Variants in TMOD3 observed in about 807,000 individuals in gnomAD.
The protein encoded by TMOD3 is tropomodulin-3.
TMOD3 carries 20 observed loss-of-function variants against 39.2 expected under a neutral mutation model. The ratio of observed to expected loss-of-function variants is 0.51; its 90% CI spans 0.36 to 0.74. The LOEUF (loss-of-function observed/expected upper bound fraction) is 0.74. TMOD3 is among the 30% of genes least tolerant of loss of function. TMOD3 has a pLI of 0.00. For missense variants in TMOD3, 381 were observed against 412.8 expected (o/e 0.92, Z 0.67); for synonymous variants, 143 against 145.8 (o/e 0.98, Z 0.14).
At chr15:51,832,161 G>A (rs1009796583) in intron 1 of TMOD3, among the ~76,000 whole-genome samples, 8 of 139,466 alleles carry the variant, frequency 5.7e-5, no homozygotes, top group African/African-American at 1.3e-4. Context: ...TCCAGCCTGC[G>A]TGACAGAGTA....
chr15:51,873,789 T>C (rs1566860186), intron 3 of TMOD3, among the ~76,000 whole-genome samples: 2 of 151,998 alleles, frequency 1.3e-5, no homozygotes. Context: ...ACCTGGCTAA[T>C]TTTTGTATTT....
chr15:51,843,956 T>C (rs1399575025), intron 1 of TMOD3, among the ~76,000 whole-genome samples: 1 of 152,140 alleles, frequency 6.6e-6, no homozygotes, highest in East Asian at 1.9e-4. Context: ...ATGGTTCTTA[T>C]TTTGTTTTTT....
At position 51,838,996 on chromosome 15, in the gene TMOD3, A is replaced by G. The variant is rs77697483; in HGVS notation, c.-75+9160A>G. Among the ~76,000 whole-genome samples the G allele has an allele frequency of 1.7e-3, 256 of 152,218 alleles. 3 individuals carry two copies. In the East Asian group the frequency reaches 0.044, roughly 26 times the overall value. On this transcript the variant is annotated intron_variant, in intron 1 of 9. Coordinates refer to ENST00000308580, the MANE Select transcript of TMOD3 (RefSeq NM_014547.5). Reference sequence around the variant, plus strand: ...TGTTATGTTGTTTCTTTGGCTGTATATTTCACAGGGACTGGAATAAGGGGT... The same window carrying G: ...TGTTATGTTGTTTCTTTGGCTGTATGTTTCACAGGGACTGGAATAAGGGGT...
chr15:51,897,937 T>C (rs1305245438), intron 7 of TMOD3, among the ~76,000 whole-genome samples: 5 of 152,162 alleles, frequency 3.3e-5, no homozygotes. Flanking sequence ...CCACCATCTT[T>C]TCCCACCTGG....
chr15:51,869,066 T>G, intron 2 of TMOD3, 151 bp from the exon 3 acceptor site: 1 of 721,934 alleles, frequency 1.4e-6, no homozygotes, highest in Non-Finnish European at 2.2e-6. Context: ...TTTGGAGCAA[T>G]TGTACATTGC....
At position 51,896,472 on chromosome 15, in the gene TMOD3, A is replaced by T; in HGVS notation, c.681A>T (p.Thr227=). ...KDFAKALETN[T]HVKCFSLAAT... is the part of the protein sequence containing the mutation. ...TTGCAAAGGCTTTGGAAACCAACAC[A>T]CATGTGAAATGTTTCAGTCTTGCAG... Residue 227 remains threonine (T), a synonymous_variant, in exon 7 of 10, where the codon ACA becomes ACT. Transcript: ENST00000308580. 6.2e-7 allele frequency: 1 copy of T among 1,613,836 alleles called. No homozygotes were observed. Among genetic ancestry groups the T allele is most frequent in the East Asian group, 2.2e-5 (1 of 44,880 alleles).
At chr15:51,830,199 A>C (rs898017567) in intron 1 of TMOD3, among the ~76,000 whole-genome samples, 2 of 152,072 alleles carry the variant, frequency 1.3e-5, no homozygotes, top group Non-Finnish European at 2.9e-5. Flanking sequence ...ACGCGATCAC[A>C]CCGAGATGGC....
chr15:51,869,451 AT>A, intron 3 of TMOD3, 78 bp downstream of exon 3: 1 of 1,384,488 alleles, frequency 7.2e-7, no homozygotes, highest in Non-Finnish European at 1.0e-6. Context: ...AGAAAATCAT[AT>A]TTTTAGAGGT....
chr15:51,867,923 A>G lies in TMOD3; in HGVS notation c.127-1294A>G, dbSNP rs1471814113. On this transcript the variant is annotated intron_variant, in intron 2 of 9. Transcript: ENST00000308580. ...CATCACCTTCCACTGCACCTCCCTC[A>G]TCTCTAAGTCAGTCCATGCGCTCAA... Among the ~76,000 whole-genome samples the G allele has an allele frequency of 3.3e-5, 5 of 152,162 alleles. 1 individual carries two copies. The highest frequency in any genetic ancestry group is 3.3e-4 in the Admixed American group (5 of 15,274).
chr15:51,870,558 G>A (rs2056470006), intron 3 of TMOD3, among the ~76,000 whole-genome samples: 1 of 152,118 alleles, frequency 6.6e-6, no homozygotes, highest in South Asian at 2.1e-4. Flanking sequence ...CTACCCCTTA[G>A]CTGCAAGGGA....
chr15:51,902,595 C>G (rs906976517), intron 9 of TMOD3, among the ~76,000 whole-genome samples: 2 of 149,190 alleles, frequency 1.3e-5, no homozygotes, highest in African/African-American at 4.9e-5. Context: ...CTCAGCCTCC[C>G]GAGTAGCTGG....
At chr15:51,860,231 G>T in intron 1 of TMOD3, 1 of 499,372 alleles carries the variant, frequency 2.0e-6, no homozygotes, top group South Asian at 1.5e-5. Flanking sequence ...GTAGACCTTT[G>T]GCAAAGTCAA....
intron 9 of TMOD3, among the ~76,000 whole-genome samples, chr15:51,902,303 C>T (rs2056654926): frequency 6.6e-6 from 1 of 152,210 alleles, no homozygotes; most frequent in Non-Finnish European, 1.5e-5. Context: ...AATTTGTTCT[C>T]AGTTACAGAT....
At chr15:51,842,592 G>A (rs912031396) in intron 1 of TMOD3, among the ~76,000 whole-genome samples, 2 of 152,102 alleles carry the variant, frequency 1.3e-5, no homozygotes, top group Admixed American at 1.3e-4. Flanking sequence ...ACTTCATTAG[G>A]CATGAGGTTT....
At chr15:51,893,461 T>C (rs1214285036) in intron 5 of TMOD3, among the ~76,000 whole-genome samples, 14 of 151,836 alleles carry the variant, frequency 9.2e-5, no homozygotes, top group Non-Finnish European at 1.5e-5. Flanking sequence ...ATTATCTGCA[T>C]GCACTGTAAT....
At position 51,905,945 on chromosome 15, in the gene TMOD3, C is replaced by T. The variant is rs529587016; in HGVS notation, c.1025-2831C>T. On this transcript the variant is annotated intron_variant, in intron 9 of 9. Coordinates refer to ENST00000308580, the MANE Select transcript of TMOD3 (RefSeq NM_014547.5). The stretch of plus-strand genomic sequence containing the variant: ...CGGCCTGGGCAACAGAGCGAGACTC[C>T]GTCTCAAAAAAAAAAAAAAAAAAAA... Among the ~76,000 whole-genome samples, 14 of 82,130 alleles carry T rather than the reference C, an allele frequency of 1.7e-4. No homozygotes were observed. In the South Asian group the frequency reaches 3.5e-3, roughly 21 times the overall value. 53.9% of individuals were successfully genotyped at this position (82,130 alleles called of 152,430 possible).
rs1254658513 is a variant in TMOD3, at chr15:51,868,002, CA to C, written c.127-1214del. On this transcript the variant is annotated intron_variant, in intron 2 of 9. Coordinates refer to ENST00000308580, the MANE Select transcript of TMOD3 (RefSeq NM_014547.5). ...AACATAGCTCTTGCTGTGAGTATGT[CA>C]GGGGTCCCTTGGGGCATGTGAAACA... 3.9e-5 allele frequency among the ~76,000 whole-genome samples: 6 copies of C among 152,172 alleles called. 1 individual carries two copies. The highest frequency in any genetic ancestry group is 3.9e-4 in the Admixed American group (6 of 15,276).
chr15:51,863,508 A>T (rs2056429674), intron 2 of TMOD3, among the ~76,000 whole-genome samples: 1 of 152,238 alleles, frequency 6.6e-6, no homozygotes, highest in Admixed American at 6.5e-5. Flanking sequence ...GCAATACAGC[A>T]GTCCACTGTG....
intron 1 of TMOD3, among the ~76,000 whole-genome samples, chr15:51,837,762 A>G (rs2056293733): frequency 1.3e-5 from 2 of 152,106 alleles, no homozygotes; most frequent in Non-Finnish European, 2.9e-5. Context: ...TTGTCAAGTC[A>G]TCTCACTTCC....
Sources: gnomAD v4.1 joint callset for allele counts (sites outside exome capture counted in the v4.1 genomes callset) on GRCh38, gnomAD v4.1.1 for gene constraint, MANE v1.5 for transcripts, NCBI Gene and HGNC (gene_info 2026-07-23, HGNC 2026-07-21) for gene names.